CLOCK: variants seen among roughly 807,000 people sequenced by gnomAD.
CLOCK encodes circadian locomoter output cycles protein kaput.
In CLOCK, 43 loss-of-function variants were observed where a neutral mutation model predicts 118.4. The observed-to-expected ratio is 0.36, with a 90% CI of 0.28 to 0.47. CLOCK has a LOEUF of 0.47. Ranked by LOEUF, CLOCK falls within the 20% of genes least tolerant of loss-of-function variation. CLOCK has a pLI of 1.00. For synonymous variants in CLOCK, 326 were observed against 339.2 expected, an observed-to-expected ratio of 0.96 and a Z score of 0.43; for missense variants, 846 against 999.9, an observed-to-expected ratio of 0.85 and a Z score of 2.08.
chr4:55,544,606 T>C (rs1220130897), intron 1 of CLOCK, among the ~76,000 whole-genome samples: 1 of 152,182 alleles, frequency 6.6e-6, no homozygotes, highest in Non-Finnish European at 1.5e-5. Flanking sequence ...CTAAAAAATA[T>C]GAAAAGCAAT....
At chr4:55,463,827 G>C (rs1725538552) in intron 8 of CLOCK, 22 bp from the exon 9 acceptor site, 1 of 1,594,742 alleles carries the variant, frequency 6.3e-7, no homozygotes, top group Admixed American at 1.7e-5. Context: ...ATTGTTAAAA[G>C]TAAAATAACT....
chr4:55,483,581 T>C (rs1199493940), intron 3 of CLOCK, among the ~76,000 whole-genome samples: 1 of 152,146 alleles, frequency 6.6e-6, no homozygotes, highest in Non-Finnish European at 1.5e-5. Context: ...AGCAACAGGC[T>C]GGAGGACAGA....
At position 55,463,755 on chromosome 4, in the gene CLOCK, A is replaced by G. The variant is rs190922281; in HGVS notation, c.489T>C (p.His163=). ...SIFNFIPEGE[H]SEVYKILSTH... ...TAGAGAGTATTTTATAAACCTCTGAATGTTCCCCTTCTGGGATAAAATTAA... is the reference window on the plus strand; with the variant it reads ...TAGAGAGTATTTTATAAACCTCTGAGTGTTCCCCTTCTGGGATAAAATTAA... The change falls in exon 9 of 23, where the codon CAT becomes CAC. Residue 163 remains histidine, a synonymous_variant. Coordinates refer to ENST00000513440, the MANE Select transcript of CLOCK (RefSeq NM_004898.4). 2.7e-5 allele frequency: 44 copies of G among 1,612,210 alleles called. 1 individual carries two copies. The African/African-American group carries it at 3.9e-4, about 14-fold the overall frequency.
At chr4:55,512,054 G>A (rs1198079811) in intron 1 of CLOCK, among the ~76,000 whole-genome samples, 3 of 151,722 alleles carry the variant, frequency 2.0e-5, no homozygotes, top group Non-Finnish European at 2.9e-5. Context: ...TATTGAAAAG[G>A]ATGCTATAAA....
intron 1 of CLOCK, among the ~76,000 whole-genome samples, chr4:55,537,179 A>C (rs1271024735): frequency 6.6e-6 from 1 of 152,206 alleles, no homozygotes. Context: ...ATGAAAATGG[A>C]AACATATCAA....
intron 2 of CLOCK, among the ~76,000 whole-genome samples, chr4:55,497,985 T>G (rs138226566): frequency 7.1e-6 from 1 of 141,472 alleles, no homozygotes; most frequent in East Asian, 2.0e-4. Flanking sequence ...GATACAGAAT[T>G]TTAGCAACCT....
intron 13 of CLOCK, among the ~76,000 whole-genome samples, chr4:55,455,590 A>G (rs910835704): frequency 6.6e-6 from 1 of 152,186 alleles, no homozygotes; most frequent in African/African-American, 2.4e-5. Flanking sequence ...CAATACTCCA[A>G]AAGTTTGAAG....
intron 13 of CLOCK, among the ~76,000 whole-genome samples, chr4:55,455,627 T>A (rs1724868361): frequency 6.6e-6 from 1 of 152,166 alleles, no homozygotes; most frequent in Admixed American, 6.6e-5. Flanking sequence ...GGAATCTACT[T>A]CTCTTACTCC....
rs897800416 is a variant in CLOCK, at chr4:55,430,849, G to C, written c.*4566C>G. 2.4e-4 allele frequency: 37 copies of C among 152,320 alleles called. No homozygotes were observed. Among genetic ancestry groups the C allele is most frequent in the African/African-American group, 7.0e-4 (29 of 41,574 alleles). 9.4% of individuals were successfully genotyped at this position (152,320 alleles called of 1,614,324 possible). A position where few individuals can be genotyped will look rare whatever the true frequency, so the allele number is the denominator to read the frequency against. On this transcript the variant is annotated 3_prime_UTR_variant, in exon 23 of 23. Coordinates refer to ENST00000513440, the MANE Select transcript of CLOCK (RefSeq NM_004898.4). ...CTTTTGGTGTCCACACAATAGGCAA[G>C]ATAGGTTTACAATAGTGTTTAAATC...
At chr4:55,501,775 A>G in intron 2 of CLOCK, 1 of 152,194 alleles carries the variant, frequency 6.6e-6, no homozygotes, top group East Asian at 1.9e-4. Flanking sequence ...GAATAATAAT[A>G]TAATTAATCC....
intron 2 of CLOCK, among the ~76,000 whole-genome samples, chr4:55,506,670 C>G (rs1728815845): frequency 6.6e-6 from 1 of 151,960 alleles, no homozygotes; most frequent in East Asian, 1.9e-4. Context: ...CAGCAATTCT[C>G]TGTCTCAGCC....
intron 1 of CLOCK, among the ~76,000 whole-genome samples, chr4:55,529,507 G>A (rs1730405756): frequency 6.6e-6 from 1 of 151,938 alleles, no homozygotes; most frequent in Non-Finnish European, 1.5e-5. Flanking sequence ...AAAAATCATA[G>A]TTTATTCAGG....
intron 1 of CLOCK, among the ~76,000 whole-genome samples, chr4:55,519,111 G>A (rs191450379): frequency 6.6e-6 from 1 of 152,040 alleles, no homozygotes; most frequent in African/African-American, 2.4e-5. Flanking sequence ...GAGTGCAATG[G>A]AGCAATCATA....
At chr4:55,540,053 G>T in intron 1 of CLOCK, among the ~76,000 whole-genome samples, 1 of 148,688 alleles carries the variant, frequency 6.7e-6, no homozygotes, top group Admixed American at 6.8e-5. Context: ...TGTCGCACAG[G>T]CTGGAGTGCA....
chr4:55,469,995 G>A (rs1428926394), intron 8 of CLOCK, among the ~76,000 whole-genome samples: 1 of 151,886 alleles, frequency 6.6e-6, no homozygotes, highest in Non-Finnish European at 1.5e-5. Context: ...GTTACTACAA[G>A]AGTAAAAAAG....
intron 18 of CLOCK, among the ~76,000 whole-genome samples, chr4:55,447,800 A>C (rs1248571239): frequency 6.6e-6 from 1 of 152,262 alleles, no homozygotes; most frequent in Non-Finnish European, 1.5e-5. Flanking sequence ...ACCTATTATT[A>C]ATGATCATTC....
intron 5 of CLOCK, chr4:55,479,207 A>G (rs1424148912): frequency 7.1e-6 from 3 of 425,076 alleles, no homozygotes; most frequent in Non-Finnish European, 1.3e-5. Flanking sequence ...CCAATAAGAA[A>G]AACTGCATTC....
intron 7 of CLOCK, among the ~76,000 whole-genome samples, chr4:55,474,572 G>C (rs541707475): frequency 6.6e-6 from 1 of 152,174 alleles, no homozygotes; most frequent in South Asian, 2.1e-4. Context: ...TAGTTAGAAA[G>C]GAGAAGCCAA....
intron 1 of CLOCK, among the ~76,000 whole-genome samples, chr4:55,532,567 T>C (rs753459871): frequency 1.4e-4 from 21 of 152,058 alleles, no homozygotes; most frequent in Non-Finnish European, 2.8e-4. Context: ...CAATTTACTA[T>C]AGTATCAAAA....
Sources: gnomAD v4.1 joint callset for allele counts (sites outside exome capture counted in the v4.1 genomes callset) on GRCh38, gnomAD v4.1.1 for gene constraint, MANE v1.5 for transcripts, NCBI Gene and HGNC (gene_info 2026-07-23, HGNC 2026-07-21) for gene names.